PAH: variants seen among roughly 807,000 people sequenced by gnomAD.
The protein encoded by PAH is phenylalanine hydroxylase.
A neutral mutation model predicts 62.0 loss-of-function variants in PAH; 64 were observed. The observed-to-expected ratio is 1.03, with a 90% CI of 0.84 to 1.27. The LOEUF is 1.27. Ranked by LOEUF, PAH falls within the 50% of genes most tolerant of loss-of-function variation. PAH has a pLI of 0.00. For synonymous variants in PAH, 195 were observed against 196.2 expected (o/e 0.99, Z 0.05); for missense variants, 579 against 542.8 (o/e 1.07, Z -0.66).
At chr12:102,887,707 G>T (rs947516009) in intron 3 of PAH, among the ~76,000 whole-genome samples, 1 of 152,084 alleles carries the variant, frequency 6.6e-6, no homozygotes, top group Non-Finnish European at 1.5e-5. Context: ...TTGGGAGAGT[G>T]GGTCTTTGCT....
At chr12:102,904,750 C>T (rs1198889059) in intron 2 of PAH, 1 of 511,904 alleles carries the variant, frequency 2.0e-6, no homozygotes, top group Admixed American at 2.0e-5. Flanking sequence ...TCCGTATTTT[C>T]ATCTATGGCT....
At chr12:102,851,346 G>T (rs933190367) in intron 8 of PAH, among the ~76,000 whole-genome samples, 2 of 152,132 alleles carry the variant, frequency 1.3e-5, no homozygotes, top group African/African-American at 2.4e-5. Context: ...GCCCTGAAAA[G>T]GTAAGGGGAA....
intron 11 of PAH, among the ~76,000 whole-genome samples, chr12:102,842,826 G>A (rs1487542065): frequency 6.6e-6 from 1 of 152,142 alleles, no homozygotes; most frequent in Non-Finnish European, 1.5e-5. Context: ...AACATACCCA[G>A]TGTCATAGAC....
chr12:102,890,552 C>G (rs1181374444), intron 3 of PAH, among the ~76,000 whole-genome samples: 6 of 152,212 alleles, frequency 3.9e-5, no homozygotes, highest in Admixed American at 3.3e-4. Flanking sequence ...GGGGCAGCCA[C>G]TATGGGATTG....
At chr12:102,950,869 A>G (rs1038865939), upstream of PAH, 2 of 152,196 alleles carry the variant, frequency 1.3e-5, no homozygotes, top group African/African-American at 4.8e-5. Flanking sequence ...CGCGCAGGTC[A>G]GATATAGGCA....
intron 1 of PAH, among the ~76,000 whole-genome samples, chr12:102,948,298 C>A (rs1879585724): frequency 6.6e-6 from 1 of 151,916 alleles, no homozygotes; most frequent in African/African-American, 2.4e-5. Flanking sequence ...AGAGGTAGGG[C>A]AGAAGTGAGG....
chr12:102,843,492 A>G (rs1399539959), intron 11 of PAH, among the ~76,000 whole-genome samples, 154 bp downstream of exon 11: 1 of 152,076 alleles, frequency 6.6e-6, no homozygotes, highest in African/African-American at 2.4e-5. Context: ...AGAGAACGGA[A>G]GAAAAGGAGG....
Position 102,957,255 on chromosome 12 carries a change from A to C in PAH, c.-96+940T>G, listed in dbSNP as rs1390834886. ...CTGCGCTTTGCTTCAAGTTCTTAGT[A>C]GAATCCAAGAGAGCTTCACCCCAAG... On this transcript the variant is annotated intron_variant, in intron 1 of 4. Coordinates refer to the PAH transcript ENST00000551337. The surrounding 1 kb of genome is among the most constrained non-coding windows in gnomAD (Gnocchi z 4.1). Among the ~76,000 whole-genome samples, 10 of 152,144 alleles carry C rather than the reference A, an allele frequency of 6.6e-5. No homozygotes were observed. The East Asian group carries it at 1.9e-3, about 29-fold the overall frequency.
At chr12:102,909,673 A>C (rs990825952) in intron 2 of PAH, among the ~76,000 whole-genome samples, 1 of 152,306 alleles carries the variant, frequency 6.6e-6, no homozygotes, top group Admixed American at 6.5e-5. Context: ...GGTAAAAATT[A>C]ATTGGCCCTG....
At chr12:102,924,762 T>A (rs925298920) in intron 1 of PAH, among the ~76,000 whole-genome samples, 2 of 152,162 alleles carry the variant, frequency 1.3e-5, no homozygotes, top group Non-Finnish European at 2.9e-5. Context: ...GCTGTGAAAC[T>A]GTATGCTCAG....
At chr12:102,845,668 A>G (rs1164486555) in intron 9 of PAH, among the ~76,000 whole-genome samples, 3 of 152,266 alleles carry the variant, frequency 2.0e-5, no homozygotes, top group East Asian at 1.9e-4. Flanking sequence ...TATTAGTTAC[A>G]TCTGTTTATT....
chr12:102,846,445 A>G (rs1290839065), intron 9 of PAH, among the ~76,000 whole-genome samples: 1 of 152,200 alleles, frequency 6.6e-6, no homozygotes. Flanking sequence ...GTGTCATCAG[A>G]TATACTCAGG....
chr12:102,935,815 T>A (rs1438473844), intron 1 of PAH, among the ~76,000 whole-genome samples: 36 of 152,044 alleles, frequency 2.4e-4, no homozygotes, highest in Non-Finnish European at 7.4e-5. Flanking sequence ...GGTTTGCTGA[T>A]TTTGTTTACC....
At chr12:102,912,381 A>T (rs1279807013) in intron 2 of PAH, among the ~76,000 whole-genome samples, 3 of 152,168 alleles carry the variant, frequency 2.0e-5, no homozygotes, top group Non-Finnish European at 4.4e-5. Flanking sequence ...TAATTTAGTG[A>T]ATAAAAGAAT....
intron 1 of PAH, among the ~76,000 whole-genome samples, chr12:102,947,363 G>A (rs929202312): frequency 1.7e-4 from 26 of 152,154 alleles, no homozygotes; most frequent in Non-Finnish European, 1.5e-5. Context: ...GAGGGAATAA[G>A]CATGATCTCA....
At chr12:102,908,221 G>GACACAC (rs150345639) in intron 2 of PAH, among the ~76,000 whole-genome samples, 2,207 of 141,772 alleles carry the variant, frequency 0.016, 75 homozygotes, top group African/African-American at 0.054. Context: ...CTGCAGCCCC[G>GACACAC]ACACACACAC....
At chr12:102,917,910 ACACT>A (rs1394557605), upstream of PAH, among the ~76,000 whole-genome samples, 1 of 152,210 alleles carries the variant, frequency 6.6e-6, no homozygotes, top group Admixed American at 6.5e-5. Flanking sequence ...TTCCACATAA[ACACT>A]CAGTAAATGG....
At chr12:102,903,949 G>C (rs1877870363) in intron 2 of PAH, among the ~76,000 whole-genome samples, 1 of 152,138 alleles carries the variant, frequency 6.6e-6, no homozygotes, top group Non-Finnish European at 1.5e-5. Flanking sequence ...ACTCTCAGGA[G>C]AGTATTTTCC....
At chr12:102,844,792 C>T (rs1272663152) in intron 9 of PAH, among the ~76,000 whole-genome samples, 1 of 152,200 alleles carries the variant, frequency 6.6e-6, no homozygotes, top group African/African-American at 2.4e-5. Flanking sequence ...ACCCAACCAC[C>T]ACCCAGGGGT....
Sources: allele counts gnomAD v4.1 joint callset (sites outside exome capture counted in the v4.1 genomes callset), GRCh38; gene constraint gnomAD v4.1.1; non-coding constraint Gnocchi (gnomAD v3.1); transcripts MANE v1.5; gene names NCBI Gene and HGNC (gene_info 2026-07-23, HGNC 2026-07-21).